The following CPQ variants were observed in gnomAD, a reference collection of about 807,000 sequenced individuals.
CPQ encodes carboxypeptidase Q, also known as Ser-Met dipeptidase.
Under a neutral mutation model 45.7 loss-of-function variants are expected in CPQ, and 37 were observed. The observed-to-expected ratio is 0.81, with a 90% CI of 0.62 to 1.07. The LOEUF (loss-of-function observed/expected upper bound fraction) is 1.07, where lower values mean the gene tolerates loss of function less well. CPQ is among the 50% of genes least tolerant of loss of function. The pLI is 0.00. For missense variants in CPQ, 537 were observed against 572.9 expected, an observed-to-expected ratio of 0.94 and a Z score of 0.64; for synonymous variants, 186 against 205.8, an observed-to-expected ratio of 0.90 and a Z score of 0.82.
chr8:97,024,368 G>A (rs780717554), intron 5 of CPQ, among the ~76,000 whole-genome samples: 6 of 152,000 alleles, frequency 3.9e-5, no homozygotes, highest in Non-Finnish European at 8.8e-5. Context: ...TCTCGGGGTG[G>A]CTCAAAAGGT....
rs77657089 is a variant in CPQ at position 96,670,326 on chromosome 8, T to A, written c.-35+24924T>A. Among the ~76,000 whole-genome samples, 142 of 144,852 alleles carry A rather than the reference T, an allele frequency of 9.8e-4. 1 individual carries two copies. The highest frequency in any genetic ancestry group is 3.6e-3 in the Middle Eastern group (1 of 276). ...AGTGACTCAATTTTTTTTTTTTTTT[T>A]TTTTTTTTTTTGGCTGTACTGCACT... is the stretch of plus-strand genomic sequence containing the variant. On this transcript the variant is annotated intron_variant, in intron 1 of 7. Coordinates refer to ENST00000220763, the MANE Select transcript of CPQ (RefSeq NM_016134.4).
intron 5 of CPQ, 160 bp downstream of exon 5, chr8:96,966,206 A>C (rs1484866422): frequency 5.7e-6 from 3 of 526,306 alleles, no homozygotes; most frequent in Non-Finnish European, 1.0e-5. Context: ...TCTTAAAGAA[A>C]TTTTTATTCA....
intron 1 of CPQ, among the ~76,000 whole-genome samples, chr8:96,672,990 G>C (rs1265316813): frequency 1.3e-5 from 2 of 151,968 alleles, no homozygotes; most frequent in African/African-American, 4.8e-5. Flanking sequence ...GTTCACTCTG[G>C]GTAAGAGTGT....
At chr8:96,832,918 A>G (rs2130847060) in intron 2 of CPQ, among the ~76,000 whole-genome samples, 1 of 152,194 alleles carries the variant, frequency 6.6e-6, no homozygotes, top group Admixed American at 6.5e-5. Context: ...TGTGAAGGTA[A>G]AAAGGAGCCA....
At chr8:97,073,526 G>A (rs1810791160) in intron 7 of CPQ, among the ~76,000 whole-genome samples, 1 of 152,162 alleles carries the variant, frequency 6.6e-6, no homozygotes, top group African/African-American at 2.4e-5. Flanking sequence ...TCGCCCTACT[G>A]GGAACATGAA....
chr8:96,982,032 A>G (rs1813908619), intron 5 of CPQ, among the ~76,000 whole-genome samples: 1 of 152,202 alleles, frequency 6.6e-6, no homozygotes, highest in Non-Finnish European at 1.5e-5. Flanking sequence ...AAGATGGAAA[A>G]TACATGGCAC....
intron 1 of CPQ, among the ~76,000 whole-genome samples, chr8:96,686,094 A>T (rs963284010): frequency 6.6e-6 from 1 of 152,078 alleles, no homozygotes; most frequent in Non-Finnish European, 1.5e-5. Flanking sequence ...GTCATTATTT[A>T]TAGTTTTCCA....
intron 1 of CPQ, among the ~76,000 whole-genome samples, chr8:96,673,630 T>G (rs897867744): frequency 1.3e-5 from 2 of 152,132 alleles, no homozygotes; most frequent in Middle Eastern, 3.2e-3. Flanking sequence ...GAATTGGCCT[T>G]AGGGTCCCTG....
intron 3 of CPQ, among the ~76,000 whole-genome samples, chr8:96,844,966 C>A (rs539614290): frequency 6.6e-6 from 1 of 152,284 alleles, no homozygotes; most frequent in Non-Finnish European, 1.5e-5. Flanking sequence ...GTATCAGTGG[C>A]CAGCTTACCC....
chr8:96,921,341 A>G (rs1466656970), intron 4 of CPQ, among the ~76,000 whole-genome samples: 1 of 152,222 alleles, frequency 6.6e-6, no homozygotes, highest in Non-Finnish European at 1.5e-5. Flanking sequence ...AGAAAACAAC[A>G]AATTTGCCAA....
chr8:96,696,348 G>C (rs1405691866), intron 1 of CPQ, among the ~76,000 whole-genome samples: 1 of 151,954 alleles, frequency 6.6e-6, no homozygotes, highest in Non-Finnish European at 1.5e-5. Context: ...GGTAGATGAC[G>C]AGTTAGTGGG....
At chr8:96,996,794 G>A (rs957490704) in intron 5 of CPQ, among the ~76,000 whole-genome samples, 1 of 151,878 alleles carries the variant, frequency 6.6e-6, no homozygotes, top group Non-Finnish European at 1.5e-5. Context: ...CATAACACTG[G>A]GGGAGGTTTA....
At chr8:96,691,728 A>G (rs757102467) in intron 1 of CPQ, among the ~76,000 whole-genome samples, 3 of 152,186 alleles carry the variant, frequency 2.0e-5, no homozygotes, top group Non-Finnish European at 4.4e-5. Context: ...TGTTCTTGAT[A>G]TGATACTTTG....
chr8:96,800,160 G>C (rs1810987612), intron 2 of CPQ, among the ~76,000 whole-genome samples: 1 of 152,140 alleles, frequency 6.6e-6, no homozygotes, highest in South Asian at 2.1e-4. Flanking sequence ...AAATCAACAT[G>C]AAGAAGGCAG....
chr8:96,874,976 A>G (rs914673690), intron 3 of CPQ, among the ~76,000 whole-genome samples: 31 of 152,008 alleles, frequency 2.0e-4, no homozygotes, highest in African/African-American at 7.0e-4. Context: ...AAATTTCTCC[A>G]CATCCTCCCC....
intron 7 of CPQ, among the ~76,000 whole-genome samples, chr8:97,090,297 C>T (rs1811107149): frequency 6.6e-6 from 1 of 152,162 alleles, no homozygotes; most frequent in East Asian, 1.9e-4. Flanking sequence ...TTCCAATGCT[C>T]TGACAAATGT....
At chr8:96,711,772 G>A (rs1420770054) in intron 1 of CPQ, among the ~76,000 whole-genome samples, 2 of 152,048 alleles carry the variant, frequency 1.3e-5, no homozygotes, top group South Asian at 2.1e-4. Flanking sequence ...GATTTGTGTG[G>A]AGACACAGCC....
Position 97,001,328 on chromosome 8 carries a change from C to G in CPQ, c.962-28075C>G, listed in dbSNP as rs371527154. ...TCCTTGTCTAGTGAAATCTGATTTTCAAGGGGAATGCTTCCAGCTTTTACT... is the reference window on the plus strand; with the variant it reads ...TCCTTGTCTAGTGAAATCTGATTTTGAAGGGGAATGCTTCCAGCTTTTACT... On this transcript the variant is annotated intron_variant, in intron 5 of 7. Transcript: ENST00000220763. Among the ~76,000 whole-genome samples the G allele has an allele frequency of 5.3e-5, 8 of 152,066 alleles. No individual in the cohort carries two copies. In the East Asian group the frequency reaches 9.6e-4, roughly 18 times the overall value.
At chr8:96,776,792 T>C (rs757549162) in intron 1 of CPQ, among the ~76,000 whole-genome samples, 1 of 152,202 alleles carries the variant, frequency 6.6e-6, no homozygotes, top group Non-Finnish European at 1.5e-5. Flanking sequence ...AGACAATATA[T>C]GAAAAGCAAA....
Sources: allele counts gnomAD v4.1 joint callset (sites outside exome capture counted in the v4.1 genomes callset), GRCh38; gene constraint gnomAD v4.1.1; transcripts MANE v1.5; gene names NCBI Gene and HGNC (gene_info 2026-07-23, HGNC 2026-07-21).